GSR: variants seen among roughly 807,000 people sequenced by gnomAD.
The protein encoded by GSR is glutathione-disulfide reductase.
A neutral mutation model predicts 56.5 loss-of-function variants in GSR; 48 were observed. The ratio of observed to expected loss-of-function variants is 0.85; its 90% confidence interval spans 0.67 to 1.08. The LOEUF is 1.08. Ranked by LOEUF, GSR falls within the 50% of genes least tolerant of loss-of-function variation. GSR has a pLI of 0.00. For synonymous variants in GSR, 264 were observed against 270.8 expected (o/e 0.97, Z 0.25); for missense variants, 694 against 703.3 (o/e 0.99, Z 0.15).
At chr8:30,681,096 C>G in intron 11 of GSR, 59 bp from the exon 12 acceptor site, 1 of 1,399,758 alleles carries the variant, frequency 7.1e-7, no homozygotes, top group South Asian at 1.2e-5. Context: ...ACTGAACTAT[C>G]AAAGAGGGAG....
At chr8:30,696,293 C>T in intron 7 of GSR, 87 bp downstream of exon 7, 2 of 920,488 alleles carry the variant, frequency 2.2e-6, no homozygotes, top group Non-Finnish European at 1.8e-6. Context: ...CTGCTTTGCA[C>T]CCTAGTATTT....
intron 12 of GSR, 92 bp downstream of exon 12, chr8:30,680,812 C>T (rs903440809): frequency 2.4e-5 from 28 of 1,146,956 alleles, no homozygotes; most frequent in African/African-American, 4.5e-5. Flanking sequence ...GAAGGCTCAA[C>T]TGCTTGGTCT....
chr8:30,686,762 G>GAAA (rs1339295906), intron 9 of GSR, among the ~76,000 whole-genome samples: 3 of 151,864 alleles, frequency 2.0e-5, no homozygotes, highest in Non-Finnish European at 4.4e-5. Context: ...TCTGTACAAT[G>GAAA]GCAAAATATC....
chr8:30,715,546 G>C (rs910880546), intron 1 of GSR, among the ~76,000 whole-genome samples: 1 of 152,120 alleles, frequency 6.6e-6, no homozygotes, highest in African/African-American at 2.4e-5. Flanking sequence ...CATCCAACCT[G>C]CCTTTTCCAG....
At chr8:30,720,938 A>G (rs889269769) in intron 1 of GSR, among the ~76,000 whole-genome samples, 1 of 152,036 alleles carries the variant, frequency 6.6e-6, no homozygotes, top group Admixed American at 6.6e-5. Flanking sequence ...AGCCTGGACA[A>G]CACAGCGAGA....
At chr8:30,711,540 A>C (rs572609787) in intron 2 of GSR, among the ~76,000 whole-genome samples, 1 of 150,726 alleles carries the variant, frequency 6.6e-6, no homozygotes, top group Middle Eastern at 3.4e-3. Flanking sequence ...GGTGTAGATG[A>C]CCAGGCCTTG....
At chr8:30,710,193 G>A (rs1308329308) in intron 2 of GSR, among the ~76,000 whole-genome samples, 1 of 151,968 alleles carries the variant, frequency 6.6e-6, no homozygotes, top group East Asian at 1.9e-4. Flanking sequence ...GCACACACCT[G>A]TAGTCCCAGC....
chr8:30,690,060 T>C (rs1170726082), intron 8 of GSR, among the ~76,000 whole-genome samples: 2 of 143,656 alleles, frequency 1.4e-5, no homozygotes, highest in African/African-American at 2.5e-5. Flanking sequence ...AATATACATA[T>C]AAATAAAATA....
intron 3 of GSR, 34 bp downstream of exon 3, chr8:30,709,780 T>C (rs1211058324): frequency 8.5e-7 from 1 of 1,182,060 alleles, no homozygotes; most frequent in Non-Finnish European, 1.3e-6. Flanking sequence ...ATATCTACAC[T>C]TGGAAACTGA....
chr8:30,683,754 C>CAA lies in GSR; in HGVS notation c.1153+332_1153+333dup, dbSNP rs10679532. ...TCCAGCCTGGGTAACAGAGTGTCTC[C>CAA]AAAAAAAAAAAAAATGCCAATCTAA... On this transcript the variant is annotated intron_variant, in intron 10 of 12. Transcript: ENST00000221130. Among the ~76,000 whole-genome samples the CAA allele has an allele frequency of 0.59, 83,747 of 141,686 alleles. 24,800 individuals are homozygous for CAA. Among genetic ancestry groups the CAA allele is most frequent in the Middle Eastern group, 0.67 (187 of 278 alleles). 93.0% of individuals were successfully genotyped at this position (141,686 alleles called of 152,430 possible).
chr8:30,697,110 A>T (rs1048736301), intron 6 of GSR, among the ~76,000 whole-genome samples: 2 of 151,952 alleles, frequency 1.3e-5, no homozygotes, highest in Admixed American at 6.6e-5. Context: ...GTGAGACCCC[A>T]TCTCTACAAA....
At chr8:30,695,112 T>C (rs535619139) in intron 7 of GSR, among the ~76,000 whole-genome samples, 4 of 152,146 alleles carry the variant, frequency 2.6e-5, no homozygotes, top group Admixed American at 6.6e-5. Context: ...TTCCCTTTAA[T>C]GTAAGCTCGT....
At position 30,710,844 on chromosome 8, in the gene GSR, C is replaced by T. The variant is rs8190940; in HGVS notation, c.334-942G>A. Among the ~76,000 whole-genome samples, 745 of 148,000 alleles carry T rather than the reference C, an allele frequency of 5.0e-3. 6 individuals carry two copies. The highest frequency in any genetic ancestry group is 0.017 in the African/African-American group (699 of 40,200). On this transcript the variant is annotated intron_variant, in intron 2 of 12. Transcript: ENST00000221130. ...AAGTAAATATGAGACTAAAACATTACAAAATCAGTTTACTGTGCAGTATTA... is the reference window on the plus strand; with the variant it reads ...AAGTAAATATGAGACTAAAACATTATAAAATCAGTTTACTGTGCAGTATTA...
chr8:30,683,986 C>T (rs1255586876), intron 10 of GSR, 102 bp downstream of exon 10: 1 of 779,562 alleles, frequency 1.3e-6, no homozygotes, highest in Admixed American at 1.7e-5. Context: ...AGACACTCAT[C>T]CTTTTAACTT....
chr8:30,683,651 T>C (rs1803030494), intron 10 of GSR, among the ~76,000 whole-genome samples: 1 of 151,464 alleles, frequency 6.6e-6, no homozygotes, highest in Admixed American at 6.6e-5. Context: ...TCCTAGCTAC[T>C]TGGGAGTCTG....
chr8:30,680,892 A>AT lies in GSR; in HGVS notation c.1419+11dup. ...TGCAAGGCACTATTTAGTTTGCTGG[A>AT]TTTTTCCTTACCTTTTCTTCCTTGT... On this transcript the variant is annotated intron_variant, in intron 12 of 12. Transcript: ENST00000221130. 1 of 1,612,678 alleles carries AT rather than the reference A, an allele frequency of 6.2e-7. No individual in the cohort carries two copies.
rs1445912339 is a variant in GSR, at chr8:30,684,185, A to T, written c.1056T>A (p.Asp352Glu). Residue 352 changes from aspartate to glutamate, a missense_variant, in exon 10 of 13, where the codon GAT (aspartate) becomes GAA (glutamate). Transcript: ENST00000221130. ...CGTCTACGATGATATGACCCTTGTC[A>T]TCGGTTTGAATCCCCTAAAATTACA... ...LSLNKLGIQTDDKGHIIVDEF... is the reference protein window; with the variant it reads ...LSLNKLGIQTEDKGHIIVDEF... 6.3e-7 allele frequency: 1 copy of T among 1,590,920 alleles called. No homozygotes were observed. The highest frequency in any genetic ancestry group is 2.2e-5 in the East Asian group (1 of 44,764).
intron 5 of GSR, among the ~76,000 whole-genome samples, chr8:30,701,168 G>A (rs527325984): frequency 4.6e-5 from 7 of 152,068 alleles, no homozygotes; most frequent in Admixed American, 4.6e-4. Context: ...TTTCTCATCA[G>A]TTATTAAATA....
chr8:30,707,944 G>A (rs1179987851), intron 4 of GSR, 128 bp downstream of exon 4: 8 of 578,558 alleles, frequency 1.4e-5, no homozygotes, highest in South Asian at 2.3e-5. Flanking sequence ...GCGACAGAGC[G>A]AGACCCTGTC....
Sources: allele counts gnomAD v4.1 joint callset (sites outside exome capture counted in the v4.1 genomes callset), GRCh38; gene constraint gnomAD v4.1.1; transcripts MANE v1.5; gene names NCBI Gene and HGNC (gene_info 2026-07-23, HGNC 2026-07-21).